Variants in TG observed in about 807,000 individuals in gnomAD.
The protein encoded by TG is thyroglobulin.
Under a neutral mutation model 324.7 loss-of-function variants are expected in TG, and 270 were observed. That is an observed-to-expected ratio of 0.83 (90% CI 0.75 to 0.92). The LOEUF (loss-of-function observed/expected upper bound fraction) is 0.92. Ranked by LOEUF, TG falls within the 40% of genes least tolerant of loss-of-function variation. TG has a pLI of 0.00. For missense variants in TG, 3,591 were observed against 3,456.4 expected (o/e 1.04, Z -0.98); for synonymous variants, 1,401 against 1,327.0 (o/e 1.06, Z -1.21).
At chr8:133,049,079 G>A (rs964458519) in intron 41 of TG, 35 of 442,050 alleles carry the variant, frequency 7.9e-5, no homozygotes, top group Middle Eastern at 6.6e-4. Flanking sequence ...GAGGTGAAGC[G>A]ACTTTTACAG....
In TG at chr8:132,866,963, G is replaced by T. The variant is rs943774344; in HGVS notation, c.-38G>T. 9 of 1,539,024 alleles carry T rather than the reference G, an allele frequency of 5.8e-6. No homozygotes were observed. The highest frequency in any genetic ancestry group is 8.0e-6 in the Non-Finnish European group (9 of 1,130,464). ...CTGGCCAGGGGACCTAGGGCAAGCA[G>T]TGGTTTCTCCTCCTTCCTCCCAGGA... On this transcript the variant is annotated 5_prime_UTR_variant, in exon 1 of 48. Transcript: ENST00000220616.
At position 133,041,381 on chromosome 8, in the gene TG, C is replaced by T. The variant is rs551636545; in HGVS notation, c.7239+11358C>T. Among the ~76,000 whole-genome samples, 14 of 152,322 alleles carry T rather than the reference C, an allele frequency of 9.2e-5. 1 individual carries two copies. Among genetic ancestry groups the T allele is most frequent in the Non-Finnish European group, 1.9e-4 (13 of 68,022 alleles). On this transcript the variant is annotated intron_variant, in intron 41 of 47. Coordinates refer to ENST00000220616, the MANE Select transcript of TG (RefSeq NM_003235.5). ...CAGGGCGGGCAAGCCAGGAAGACCT[C>T]GTTTCATGGTTTTCAGTCCGACTTC... is the stretch of plus-strand genomic sequence containing the variant.
chr8:133,030,047 C>T, intron 41 of TG, 24 bp downstream of exon 41: 1 of 1,614,004 alleles, frequency 6.2e-7, no homozygotes, highest in Non-Finnish European at 8.5e-7. Flanking sequence ...GTTCTACCTT[C>T]AGTCTTACTG....
At chr8:132,891,844 C>T (rs1333695770) in intron 10 of TG, among the ~76,000 whole-genome samples, 1 of 152,154 alleles carries the variant, frequency 6.6e-6, no homozygotes, top group Non-Finnish European at 1.5e-5. Flanking sequence ...TTCTGTTGAT[C>T]CCATGCTCTC....
chr8:133,092,713 A>G (rs1260576963), intron 41 of TG, among the ~76,000 whole-genome samples: 1 of 151,574 alleles, frequency 6.6e-6, no homozygotes, highest in African/African-American at 2.4e-5. Flanking sequence ...CCCCAATCCC[A>G]TGCTCTCTAC....
At chr8:133,014,275 A>G (rs775175506) in intron 37 of TG, among the ~76,000 whole-genome samples, 10 of 152,218 alleles carry the variant, frequency 6.6e-5, no homozygotes, top group Non-Finnish European at 1.2e-4. Flanking sequence ...TATCGCATCT[A>G]AACACTTCAG....
intron 26 of TG, among the ~76,000 whole-genome samples, chr8:132,946,741 G>A (rs1003588192): frequency 2.6e-5 from 4 of 152,122 alleles, no homozygotes; most frequent in Non-Finnish European, 5.9e-5. Flanking sequence ...TGGAAGTGGG[G>A]CTCTGAGGGC....
At chr8:133,091,686 G>A (rs895980736) in intron 41 of TG, among the ~76,000 whole-genome samples, 2 of 152,010 alleles carry the variant, frequency 1.3e-5, no homozygotes, top group African/African-American at 2.4e-5. Flanking sequence ...CTCTGTGACT[G>A]TGTGTGTTTG....
At chr8:132,924,254 C>T (rs1821509390) in intron 22 of TG, among the ~76,000 whole-genome samples, 1 of 152,078 alleles carries the variant, frequency 6.6e-6, no homozygotes, top group African/African-American at 2.4e-5. Flanking sequence ...CTAATGCTGC[C>T]ACTGATCTGA....
chr8:133,013,627 T>A lies in TG; in HGVS notation c.6425T>A (p.Ile2142Asn), dbSNP rs1299187319. Residue 2142 changes from isoleucine to asparagine, a missense_variant, in exon 37 of 48, where the codon ATC (isoleucine) becomes AAC (asparagine). By Grantham distance (149) the Ile-to-Asn change is moderately radical (BLOSUM62 -3). Transcript: ENST00000220616. ...TGTTCCCAACATGAGGCCTGTCTCATCACCACTCTGCAAACCCAACCTGGG... is the reference window on the plus strand; with the variant it reads ...TGTTCCCAACATGAGGCCTGTCTCAACACCACTCTGCAAACCCAACCTGGG... ...SECSQHEACLITTLQTQPGAV... is the reference protein window; with the variant it reads ...SECSQHEACLNTTLQTQPGAV... 3 of 1,614,236 alleles carry A rather than the reference T, an allele frequency of 1.9e-6. No individual in the cohort carries two copies. In the South Asian group the frequency reaches 3.3e-5, roughly 18 times the overall value.
chr8:132,868,155 G>T lies in TG; in HGVS notation c.108G>T (p.Leu36=), dbSNP rs1277880911. ...VDAQPLRPCE[L]QRETAFLKQA... ...CCCAGCCCCTTCGTCCCTGTGAGCTGCAGAGGGAAACGGCCTTTCTGAAGC... is the reference window on the plus strand; with the variant it reads ...CCCAGCCCCTTCGTCCCTGTGAGCTTCAGAGGGAAACGGCCTTTCTGAAGC... The change falls in exon 2 of 48, where the codon CTG becomes CTT. Residue 36 remains leucine, a synonymous_variant. Transcript: ENST00000220616. 4.3e-6 allele frequency: 7 copies of T among 1,614,162 alleles called. No homozygotes were observed. In the South Asian group the frequency reaches 7.7e-5, roughly 18 times the overall value.
intron 26 of TG, 147 bp downstream of exon 26, chr8:132,941,689 C>A: frequency 2.4e-6 from 2 of 846,546 alleles, no homozygotes; most frequent in Non-Finnish European, 3.8e-6. Flanking sequence ...GTACACAATA[C>A]ACACATGATA....
intron 45 of TG, among the ~76,000 whole-genome samples, chr8:133,124,273 A>G (rs1200908727): frequency 6.6e-6 from 1 of 152,232 alleles, no homozygotes; most frequent in Non-Finnish European, 1.5e-5. Flanking sequence ...CTTGGCCTCC[A>G]GGGTGCTGGG....
intron 43 of TG, among the ~76,000 whole-genome samples, chr8:133,110,708 G>T (rs1850187050): frequency 6.6e-6 from 1 of 152,328 alleles, no homozygotes; most frequent in Admixed American, 6.5e-5. Flanking sequence ...CTGTGAAATA[G>T]ATTTTACTTA....
intron 45 of TG, among the ~76,000 whole-genome samples, chr8:133,130,986 G>A (rs1378911837): frequency 1.3e-5 from 2 of 152,224 alleles, no homozygotes; most frequent in Admixed American, 6.5e-5. Context: ...CACCGCAGAG[G>A]GAGTGTGGTG....
chr8:132,883,453 G>C (rs972889077), intron 8 of TG, among the ~76,000 whole-genome samples: 3 of 152,110 alleles, frequency 2.0e-5, no homozygotes, highest in Non-Finnish European at 4.4e-5. Context: ...TCTATATAGA[G>C]AGCAGGAGAA....
rs114115584 is a variant in TG, at chr8:132,887,451, C to G, written c.2079C>G (p.Phe693Leu). Residue 693 changes from phenylalanine to leucine, a missense_variant, in exon 9 of 48, where the codon TTC becomes TTG. Physicochemically the swap from Phe to Leu is conservative, Grantham distance 22. Transcript: ENST00000220616. ...FVPACTSEGH[F>L]LPVQCFNSEC... ...CTGCTTGTACTAGTGAGGGACATTTCCTGCCTGTCCAGTGCTTCAACTCAG... is the reference window on the plus strand; with the variant it reads ...CTGCTTGTACTAGTGAGGGACATTTGCTGCCTGTCCAGTGCTTCAACTCAG... 110 of 1,614,160 alleles carry G rather than the reference C, an allele frequency of 6.8e-5. No homozygotes were observed. Among genetic ancestry groups the G allele is most frequent in the Non-Finnish European group, 8.8e-5 (104 of 1,180,042 alleles).
At chr8:132,995,572 C>T (rs879306357) in intron 35 of TG, 30 of 969,478 alleles carry the variant, frequency 3.1e-5, no homozygotes, top group African/African-American at 1.2e-4. Context: ...GTTTTGCCCA[C>T]GCACCCAGGA....
At chr8:132,966,377 C>T (rs926914549) in intron 29 of TG, among the ~76,000 whole-genome samples, 183 bp from the exon 30 acceptor site, 2 of 152,160 alleles carry the variant, frequency 1.3e-5, no homozygotes, top group Admixed American at 6.6e-5. Context: ...CAACTCCCAG[C>T]TCTACTGACT....
Sources: allele counts gnomAD v4.1 joint callset (sites outside exome capture counted in the v4.1 genomes callset), GRCh38; gene constraint gnomAD v4.1.1; transcripts MANE v1.5; gene names NCBI Gene and HGNC (gene_info 2026-07-23, HGNC 2026-07-21).